Variants in PSG6 observed in about 807,000 individuals in gnomAD.
PSG6 encodes the protein pregnancy specific beta-1-glycoprotein 6.
PSG6 carries 51 observed loss-of-function variants against 43.3 expected under a neutral mutation model. The ratio of observed to expected loss-of-function variants is 1.18; its 90% confidence interval spans 0.94 to 1.49. The LOEUF (loss-of-function observed/expected upper bound fraction) is 1.49, where lower values mean the gene tolerates loss of function less well. Among genes scored for constraint, PSG6 ranks in the 40% most tolerant of loss-of-function variants. The pLI, the probability that PSG6 is intolerant of heterozygous loss-of-function variation, is 0.00. For missense variants in PSG6, 770 were observed against 522.2 expected, an observed-to-expected ratio of 1.47 and a Z score of -4.62; for synonymous variants, 292 against 197.6, an observed-to-expected ratio of 1.48 and a Z score of -4.01.
intron 5 of PSG6, 142 bp from the exon 6 acceptor site, chr19:42,902,588 G>A: frequency 2.6e-6 from 3 of 1,165,126 alleles, no homozygotes; most frequent in Non-Finnish European, 2.4e-6. Context: ...ATGGGTGACT[G>A]GTTGGAGGAT....
chr19:42,908,043 C>T lies in PSG6; in HGVS notation c.707-189G>A, dbSNP rs550069617. On this transcript the variant is annotated intron_variant, in intron 3 of 5. Coordinates refer to ENST00000187910, the MANE Select transcript of PSG6 (RefSeq NM_001031850.4). Reference sequence around the variant, plus strand: ...AAGACTGTGAGGCCTCCTGCTCTGTCTTAGGGAAGCACAGACTTTCTCAAG... The same window carrying T: ...AAGACTGTGAGGCCTCCTGCTCTGTTTTAGGGAAGCACAGACTTTCTCAAG... 4.9e-5 allele frequency: 48 copies of T among 971,934 alleles called. 1 individual carries two copies. In the African/African-American group the frequency reaches 5.6e-4, roughly 11 times the overall value. The allele number at this position is 971,934 out of a possible 1,614,324, so 60.2% of individuals were successfully genotyped here.
At position 42,907,021 on chromosome 19, in the gene PSG6, G is replaced by A; in HGVS notation, c.1141C>T (p.Pro381Ser). ...CCGCTATGATTTGTAGTAATTTGGG[G>A]GATAAAGAGCTTTTGTCCTGATAGC... ...FQLSGQKLFI[P>S]QITTNHSGLY... Residue 381 changes from proline (P) to serine (S), a missense_variant, in exon 5 of 6, where the codon CCC becomes TCC. By Grantham distance (74) the Pro-to-Ser change is moderately conservative. Coordinates refer to ENST00000187910, the MANE Select transcript of PSG6 (RefSeq NM_001031850.4). The A allele has an allele frequency of 6.2e-7, 1 of 1,612,476 alleles. No homozygotes were observed. Among genetic ancestry groups the A allele is most frequent in the South Asian group, 1.1e-5 (1 of 90,838 alleles).
chr19:42,907,887 C>A (rs745855126), intron 3 of PSG6, 33 bp from the exon 4 acceptor site: 1 of 1,605,804 alleles, frequency 6.2e-7, no homozygotes, highest in Non-Finnish European at 8.5e-7. Context: ...TCCTGTGTGG[C>A]ACCTTTGATT....
At position 42,913,117 on chromosome 19, in the gene PSG6, G is replaced by A. The variant is rs539833409; in HGVS notation, c.428-2259C>T. Among the ~76,000 whole-genome samples, 84 of 151,484 alleles carry A rather than the reference G, an allele frequency of 5.5e-4. 1 individual carries two copies. The highest frequency in any genetic ancestry group is 1.9e-3 in the African/African-American group (77 of 41,298). ...AGGGATTCTTTCCTCAGCTCTGTGCGGTCTATCAGTAAGCATCAAAAGCAT... is the reference window on the plus strand; with the variant it reads ...AGGGATTCTTTCCTCAGCTCTGTGCAGTCTATCAGTAAGCATCAAAAGCAT... On this transcript the variant is annotated intron_variant, in intron 2 of 5. Transcript: ENST00000187910.
chr19:42,910,979 G>T (rs1600545534), intron 2 of PSG6, 121 bp from the exon 3 acceptor site: 2 of 1,502,014 alleles, frequency 1.3e-6, no homozygotes, highest in East Asian at 4.6e-5. Flanking sequence ...AAAGCCCATG[G>T]CAGGTGTGTG....
chr19:42,913,141 A>G (rs1972259790), intron 2 of PSG6, among the ~76,000 whole-genome samples: 1 of 151,310 alleles, frequency 6.6e-6, no homozygotes, highest in African/African-American at 2.4e-5. Flanking sequence ...CATCAAAAGC[A>G]TTCTTCATTT....
intron 5 of PSG6, 111 bp downstream of exon 5, chr19:42,906,811 T>C (rs1972120049): frequency 1.9e-6 from 3 of 1,604,386 alleles, no homozygotes; most frequent in African/African-American, 1.3e-5. Flanking sequence ...TGGGATTTGC[T>C]TGTGCCCATG....
In PSG6 at chr19:42,915,807, T is replaced by A. The variant is rs538099158; in HGVS notation, c.427+318A>T. 38 of 502,278 alleles carry A rather than the reference T, an allele frequency of 7.6e-5. 2 individuals are homozygous for A. The highest frequency in any genetic ancestry group is 1.4e-4 in the Admixed American group (4 of 27,822). 31.1% of individuals were successfully genotyped at this position (502,278 alleles called of 1,614,324 possible). ...CCCTCAGGCCAAGCCCTACTCAGTT[T>A]TCCAGGGTCTTTCTCAGGGTCAAAT... On this transcript the variant is annotated intron_variant, in intron 2 of 5. Coordinates refer to ENST00000187910, the MANE Select transcript of PSG6 (RefSeq NM_001031850.4).
chr19:42,903,929 T>C (rs1438347530), intron 5 of PSG6, among the ~76,000 whole-genome samples: 1 of 151,064 alleles, frequency 6.6e-6, no homozygotes, highest in Non-Finnish European at 1.5e-5. Flanking sequence ...AAAAGAAAAA[T>C]GAAGCGATTA....
rs752199373 is a variant in PSG6, at chr19:42,907,182, G to C, written c.986-6C>G. On this transcript the variant is annotated splice_region_variant and splice_polypyrimidine_tract_variant and intron_variant, in intron 4 of 5. Transcript: ENST00000187910. ...TCTGGGGAGGTCTGGACCATCTGGA[G>C]GAAAGAGAATAAAGCCACAGGTGAT... The C allele has an allele frequency of 2.5e-5, 41 of 1,610,294 alleles. 1 individual carries two copies. Among genetic ancestry groups the C allele is most frequent in the Non-Finnish European group, 3.3e-5 (39 of 1,177,788 alleles).
In PSG6 at chr19:42,907,487, T is replaced by G. The variant is rs1001679288; in HGVS notation, c.985+89A>C. On this transcript the variant is annotated intron_variant, in intron 4 of 5. Transcript: ENST00000187910. Reference sequence around the variant, plus strand: ...TGTCCAGAAGTAAAGTTGTCTATACTTGGACCGGAGAGAGACTGAGAGGCC... The same window carrying G: ...TGTCCAGAAGTAAAGTTGTCTATACGTGGACCGGAGAGAGACTGAGAGGCC... 5.5e-5 allele frequency: 86 copies of G among 1,577,900 alleles called. 1 individual carries two copies. Among genetic ancestry groups the G allele is most frequent in the Middle Eastern group, 2.2e-4 (1 of 4,480 alleles).
Position 42,907,937 on chromosome 19 carries a change from C to T in PSG6, c.707-83G>A, listed in dbSNP as rs1972150479. 3 of 1,552,474 alleles carry T rather than the reference C, an allele frequency of 1.9e-6. 1 individual carries two copies. Among genetic ancestry groups the T allele is most frequent in the Non-Finnish European group, 2.6e-6 (3 of 1,141,044 alleles). On this transcript the variant is annotated intron_variant, in intron 3 of 5. Coordinates refer to ENST00000187910, the MANE Select transcript of PSG6 (RefSeq NM_001031850.4). ...CTTCATTCAGAGTTGGCATCTCCCACCTGTCAACCCACATGAGTCCTTGAA... is the reference window on the plus strand; with the variant it reads ...CTTCATTCAGAGTTGGCATCTCCCATCTGTCAACCCACATGAGTCCTTGAA...
chr19:42,912,412 A>C lies in PSG6; in HGVS notation c.428-1554T>G, dbSNP rs116835095. Among the ~76,000 whole-genome samples, 1,333 of 151,836 alleles carry C rather than the reference A, an allele frequency of 8.8e-3. 47 individuals are homozygous for C. The highest frequency in any genetic ancestry group is 0.031 in the African/African-American group (1,284 of 41,426). Reference sequence around the variant, plus strand: ...GTAGTCATATTTCTCTTGAGACCAAAATAAGGTTTAGGTGTGCCATGAATT... The same window carrying C: ...GTAGTCATATTTCTCTTGAGACCAACATAAGGTTTAGGTGTGCCATGAATT... On this transcript the variant is annotated intron_variant, in intron 2 of 5. Transcript: ENST00000187910.
chr19:42,916,509 A>G (rs1183402847), intron 1 of PSG6, 22 bp from the exon 2 acceptor site: 15 of 1,599,744 alleles, frequency 9.4e-6, no homozygotes, highest in East Asian at 2.2e-5. Flanking sequence ...AGACAGCATC[A>G]GTTAATATTT....
intron 1 of PSG6, among the ~76,000 whole-genome samples, chr19:42,916,922 T>G (rs1199083967): frequency 2.0e-5 from 3 of 151,284 alleles, no homozygotes. Flanking sequence ...GACCTCACAT[T>G]CTATATCTCT....
intron 1 of PSG6, among the ~76,000 whole-genome samples, chr19:42,917,376 T>G (rs1275957594): frequency 6.8e-6 from 1 of 146,956 alleles, no homozygotes; most frequent in Non-Finnish European, 1.5e-5. Flanking sequence ...TTTTTTTTTT[T>G]TTTTTGAAAT....
rs758221014 is a variant in PSG6 at position 42,906,893 on chromosome 19, T to G, written c.1240+29A>C. On this transcript the variant is annotated intron_variant, in intron 5 of 5. Transcript: ENST00000187910. ...GCCAGATAGACTCCACCTAAAACCC[T>G]ATTGCCAAGGATGCTGGGATCCACT... 5.6e-6 allele frequency: 9 copies of G among 1,612,062 alleles called. 1 individual carries two copies. In the East Asian group the frequency reaches 8.9e-5, roughly 16 times the overall value.
chr19:42,913,251 T>C (rs1972261766), intron 2 of PSG6, among the ~76,000 whole-genome samples: 2 of 151,488 alleles, frequency 1.3e-5, no homozygotes, highest in Non-Finnish European at 2.9e-5. Flanking sequence ...CCTGGGTTCA[T>C]GCCATTCTCC....
chr19:42,910,859 C>G lies in PSG6; in HGVS notation c.428-1G>C. On this transcript the variant is annotated splice_acceptor_variant, in intron 2 of 5. Transcript: ENST00000187910. LOFTEE classifies it high-confidence loss of function. ...GAGATGGAGGGCTTGGGAGTCTCCG[C>G]TGTGCAGAAAACAGAGAGAAGATTG... 2 of 1,605,226 alleles carry G rather than the reference C, an allele frequency of 1.2e-6. No homozygotes were observed. The highest frequency in any genetic ancestry group is 1.7e-6 in the Non-Finnish European group (2 of 1,175,522).
Sources: allele counts gnomAD v4.1 joint callset (sites outside exome capture counted in the v4.1 genomes callset), GRCh38; gene constraint gnomAD v4.1.1; transcripts MANE v1.5; gene names NCBI Gene and HGNC (gene_info 2026-07-23, HGNC 2026-07-21).